COL5A2: variants seen among roughly 807,000 people sequenced by gnomAD.
COL5A2 encodes the protein collagen type V alpha 2 chain, also known as collagen alpha-2(V) chain.
COL5A2 carries 23 observed loss-of-function variants against 208.2 expected under a neutral mutation model. That is an observed-to-expected ratio of 0.11 (90% confidence interval 0.08 to 0.16). The LOEUF is 0.16. Among genes scored for constraint, COL5A2 ranks in the 10% least tolerant of loss-of-function variants. The pLI, the probability that COL5A2 is intolerant of heterozygous loss-of-function variation, is 1.00. For synonymous variants in COL5A2, 625 were observed against 628.5 expected (o/e 0.99, Z 0.08); for missense variants, 1,590 against 1,956.4 (o/e 0.81, Z 3.53).
At chr2:189,324,360 C>A in the COL5A2 span, among the ~76,000 whole-genome samples, 2 of 152,234 alleles carry the variant, frequency 1.3e-5, no homozygotes, top group South Asian at 2.1e-4. Context: ...AAAGAAACTA[C>A]CATCAGAGTG....
At chr2:189,153,223 A>C (rs908414093) in intron 1 of COL5A2, among the ~76,000 whole-genome samples, 5 of 152,212 alleles carry the variant, frequency 3.3e-5, no homozygotes, top group Non-Finnish European at 5.9e-5. Context: ...TGGGCAAAAA[A>C]CGTAATGTTA....
chr2:189,242,281 T>C, the COL5A2 span, among the ~76,000 whole-genome samples: 2 of 152,172 alleles, frequency 1.3e-5, no homozygotes, highest in African/African-American at 2.4e-5. Context: ...CATAAAACAT[T>C]TTTTAGGTGT....
At chr2:189,332,378 A>G in the COL5A2 span, among the ~76,000 whole-genome samples, 4 of 152,332 alleles carry the variant, frequency 2.6e-5, no homozygotes, top group East Asian at 7.7e-4. Flanking sequence ...CCATGATAGA[A>G]CATATACTGG....
At chr2:189,147,435 T>C (rs1379905537) in intron 1 of COL5A2, among the ~76,000 whole-genome samples, 1 of 152,134 alleles carries the variant, frequency 6.6e-6, no homozygotes, top group African/African-American at 2.4e-5. Context: ...CCAGGTGATC[T>C]GGTGGAATCT....
chr2:189,099,850 C>G (rs754968175), intron 4 of COL5A2, among the ~76,000 whole-genome samples: 2 of 152,074 alleles, frequency 1.3e-5, no homozygotes, highest in Non-Finnish European at 2.9e-5. Flanking sequence ...CAGTGTATAT[C>G]CACATGTAAT....
the COL5A2 span, among the ~76,000 whole-genome samples, chr2:189,331,553 T>C: frequency 6.6e-6 from 1 of 152,104 alleles, no homozygotes; most frequent in East Asian, 1.9e-4. Flanking sequence ...AATGGGAGTT[T>C]CCCTGCACAA....
At chr2:189,156,020 T>G (rs1688239525) in intron 1 of COL5A2, among the ~76,000 whole-genome samples, 1 of 152,236 alleles carries the variant, frequency 6.6e-6, no homozygotes, top group Non-Finnish European at 1.5e-5. Context: ...TCATCACATC[T>G]TCCGCCTCTT....
At chr2:189,133,902 T>C (rs963450174) in intron 1 of COL5A2, among the ~76,000 whole-genome samples, 5 of 152,064 alleles carry the variant, frequency 3.3e-5, no homozygotes, top group African/African-American at 2.4e-5. Context: ...GAGTGAAGGA[T>C]TGGGAAGACA....
At chr2:189,068,623 G>A (rs1168772615) in intron 19 of COL5A2, among the ~76,000 whole-genome samples, 163 bp downstream of exon 19, 1 of 152,110 alleles carries the variant, frequency 6.6e-6, no homozygotes, top group East Asian at 1.9e-4. Flanking sequence ...TAAATACCCT[G>A]ACTTGATTAT....
At chr2:189,415,008 A>G in the COL5A2 span, among the ~76,000 whole-genome samples, 1 of 152,050 alleles carries the variant, frequency 6.6e-6, no homozygotes, top group Non-Finnish European at 1.5e-5. Context: ...ATTAATAAGA[A>G]GCATTAGTGA....
the COL5A2 span, among the ~76,000 whole-genome samples, chr2:189,299,798 C>A: frequency 1.3e-5 from 2 of 151,908 alleles, no homozygotes; most frequent in African/African-American, 4.8e-5. Context: ...TGGATTTAAG[C>A]AAAAACTTAA....
At chr2:189,359,972 A>G in the COL5A2 span, among the ~76,000 whole-genome samples, 1 of 152,072 alleles carries the variant, frequency 6.6e-6, no homozygotes, top group East Asian at 1.9e-4. Context: ...AGTCTAGCTA[A>G]AGATTTGTCA....
At chr2:189,183,620 C>T (rs1171318207), upstream of COL5A2, among the ~76,000 whole-genome samples, 2 of 152,080 alleles carry the variant, frequency 1.3e-5, no homozygotes, top group Non-Finnish European at 2.9e-5. Flanking sequence ...ATCTTAGTCC[C>T]AAAGATCTGA....
the COL5A2 span, among the ~76,000 whole-genome samples, chr2:189,394,730 G>C: frequency 6.6e-6 from 1 of 152,000 alleles, no homozygotes; most frequent in Non-Finnish European, 1.5e-5. Flanking sequence ...TCCATGACAG[G>C]CTCATAAAGA....
intron 35 of COL5A2, among the ~76,000 whole-genome samples, chr2:189,055,669 T>C (rs1685886878): frequency 6.6e-6 from 1 of 152,178 alleles, no homozygotes; most frequent in Admixed American, 6.5e-5. Context: ...AGAGAAAACA[T>C]GTTATTCATT....
chr2:189,094,544 A>C (rs183333038), intron 6 of COL5A2, among the ~76,000 whole-genome samples: 127 of 107,934 alleles, frequency 1.2e-3, no homozygotes, highest in Middle Eastern at 5.8e-3. Flanking sequence ...GGAACTGTTA[A>C]AGAACTTCAT....
At chr2:189,132,788 G>GTT (rs1289507642) in intron 1 of COL5A2, among the ~76,000 whole-genome samples, 2 of 151,932 alleles carry the variant, frequency 1.3e-5, no homozygotes, top group African/African-American at 4.8e-5. Context: ...GGGTGTGGTA[G>GTT]TGCACACCTG....
In COL5A2 at chr2:189,130,640, C is replaced by A. The variant is rs933887177; in HGVS notation, c.98-20191G>T. ...GAGTATTGCCACCATATTTAAATAGCCACCTTGGCTCTGAAAAGATTTCAA... is the reference window on the plus strand; with the variant it reads ...GAGTATTGCCACCATATTTAAATAGACACCTTGGCTCTGAAAAGATTTCAA... On this transcript the variant is annotated intron_variant, in intron 1 of 53. Coordinates refer to ENST00000374866, the MANE Select transcript of COL5A2 (RefSeq NM_000393.5). Among the ~76,000 whole-genome samples, 107 of 151,634 alleles carry A rather than the reference C, an allele frequency of 7.1e-4. 3 individuals carry two copies. The highest frequency in any genetic ancestry group is 2.5e-4 in the Non-Finnish European group (17 of 67,826).
the COL5A2 span, among the ~76,000 whole-genome samples, chr2:189,272,793 T>G: frequency 6.6e-6 from 1 of 152,168 alleles, no homozygotes. Flanking sequence ...ATGAAATTCA[T>G]GAAAGCTCTG....
Sources: allele counts gnomAD v4.1 joint callset (sites outside exome capture counted in the v4.1 genomes callset), GRCh38; gene constraint gnomAD v4.1.1; transcripts MANE v1.5; gene names NCBI Gene and HGNC (gene_info 2026-07-23, HGNC 2026-07-21).